Variants in MED13 observed in about 807,000 individuals in gnomAD.
MED13 encodes mediator complex subunit 13, also known as mediator of RNA polymerase II transcription subunit 13.
A neutral mutation model predicts 225.2 loss-of-function variants in MED13; 23 were observed. The observed-to-expected ratio is 0.10, with a 90% CI of 0.07 to 0.14. The LOEUF (loss-of-function observed/expected upper bound fraction) is 0.14. Among genes scored for constraint, MED13 ranks in the 10% least tolerant of loss-of-function variants. MED13 has a pLI of 1.00. For missense variants in MED13, 2,197 were observed against 2,594.5 expected, an observed-to-expected ratio of 0.85 and a Z score of 3.33; for synonymous variants, 942 against 889.2, an observed-to-expected ratio of 1.06 and a Z score of -1.06.
intron 26 of MED13, among the ~76,000 whole-genome samples, chr17:61,954,050 C>CT (rs1229224459): frequency 6.6e-6 from 1 of 152,168 alleles, no homozygotes; most frequent in Non-Finnish European, 1.5e-5. Context: ...AATGTGGTCT[C>CT]TCTCTCTCTC....
chr17:61,959,160 T>C (rs560911717), intron 23 of MED13, among the ~76,000 whole-genome samples: 4 of 152,224 alleles, frequency 2.6e-5, no homozygotes, highest in Non-Finnish European at 5.9e-5. Flanking sequence ...TATGCCACCA[T>C]GCCTGGCTAA....
At chr17:61,960,665 TAATAG>T (rs1214975581) in intron 23 of MED13, among the ~76,000 whole-genome samples, 197 bp downstream of exon 23, 1 of 152,116 alleles carries the variant, frequency 6.6e-6, no homozygotes. Flanking sequence ...TTTGTTCATA[TAATAG>T]ATTAATCAAA....
chr17:62,022,766 T>C (rs1322638482), intron 8 of MED13, among the ~76,000 whole-genome samples: 3 of 152,074 alleles, frequency 2.0e-5, no homozygotes, highest in East Asian at 1.9e-4. Context: ...TCTCAGCACT[T>C]TGGGAGGCTG....
At chr17:61,984,454 T>C (rs1475571205) in intron 14 of MED13, 87 bp from the exon 15 acceptor site, 1 of 1,087,058 alleles carries the variant, frequency 9.2e-7, no homozygotes, top group African/African-American at 1.6e-5. Flanking sequence ...CCTTTTTTCC[T>C]TTCTTTAAAC....
intron 3 of MED13, among the ~76,000 whole-genome samples, chr17:62,049,956 A>C (rs2080941236): frequency 6.6e-6 from 1 of 151,830 alleles, no homozygotes; most frequent in South Asian, 2.1e-4. Context: ...ATGAAATGAA[A>C]TGTGTTTCAA....
At chr17:62,007,932 T>C (rs187157291) in intron 9 of MED13, among the ~76,000 whole-genome samples, 3 of 143,958 alleles carry the variant, frequency 2.1e-5, no homozygotes, top group Non-Finnish European at 4.5e-5. Flanking sequence ...GACAGGAAAA[T>C]GGCCTGAACC....
chr17:61,945,654 T>C lies in MED13; in HGVS notation c.*814A>G, dbSNP rs577429242. On this transcript the variant is annotated 3_prime_UTR_variant, in exon 30 of 30. Coordinates refer to ENST00000397786, the MANE Select transcript of MED13 (RefSeq NM_005121.3). ...TTGCCATCATGTTATTCTGTAAAGA[T>C]GTGATATATAAAATGCTGTAAGACC... 5.8e-4 allele frequency: 88 copies of C among 152,746 alleles called. No individual in the cohort carries two copies. The highest frequency in any genetic ancestry group is 1.0e-3 in the Non-Finnish European group (70 of 68,036). The allele number at this position is 152,746 out of a possible 1,614,324, so 9.5% of individuals were successfully genotyped here. A position where few individuals can be genotyped will look rare whatever the true frequency, so the allele number is the denominator to read the frequency against.
At chr17:62,051,260 CCCTTCCTTTCTCTTCCTG>C (rs1433800269) in intron 3 of MED13, among the ~76,000 whole-genome samples, 1 of 152,162 alleles carries the variant, frequency 6.6e-6, no homozygotes, top group Non-Finnish European at 1.5e-5. Context: ...CTTACTTCCT[CCCTTCCTTTCTCTTCCTG>C]CCTGGAATCC....
At chr17:61,981,639 G>T (rs993571263) in intron 16 of MED13, among the ~76,000 whole-genome samples, 3 of 152,126 alleles carry the variant, frequency 2.0e-5, no homozygotes, top group Admixed American at 6.5e-5. Flanking sequence ...TGTTATGTAG[G>T]AGTTTTCCCA....
intron 23 of MED13, among the ~76,000 whole-genome samples, chr17:61,958,014 G>GC (rs1555630940): frequency 6.7e-6 from 1 of 150,292 alleles, no homozygotes; most frequent in Non-Finnish European, 1.5e-5. Context: ...ACAGGCGCCC[G>GC]CCACTACGCC....
intron 2 of MED13, among the ~76,000 whole-genome samples, chr17:62,059,010 G>A (rs1405639001): frequency 1.3e-5 from 2 of 152,146 alleles, no homozygotes; most frequent in Admixed American, 1.3e-4. Flanking sequence ...AATGCACTAT[G>A]GAATCTGAAC....
chr17:61,963,322 G>A (rs1354592147), intron 20 of MED13, among the ~76,000 whole-genome samples: 1 of 148,922 alleles, frequency 6.7e-6, no homozygotes, highest in East Asian at 2.0e-4. Context: ...CTGAGACAAA[G>A]ATAGGTCTCT....
chr17:61,987,382 C>A, intron 11 of MED13, among the ~76,000 whole-genome samples: 1 of 151,786 alleles, frequency 6.6e-6, no homozygotes, highest in Non-Finnish European at 1.5e-5. Flanking sequence ...TGCAGTGAGC[C>A]GAGATAGCAC....
chr17:61,976,286 G>A (rs939825826), intron 16 of MED13, among the ~76,000 whole-genome samples: 1 of 152,052 alleles, frequency 6.6e-6, no homozygotes, highest in Non-Finnish European at 1.5e-5. Flanking sequence ...TATGGAAAGC[G>A]AAAAAAGCCA....
At position 61,964,554 on chromosome 17, in the gene MED13, G is replaced by A. The variant is rs148888076; in HGVS notation, c.4844+452C>T. Among the ~76,000 whole-genome samples the A allele has an allele frequency of 1.1e-4, 16 of 152,274 alleles. No homozygotes were observed. The East Asian group carries it at 3.1e-3, about 29-fold the overall frequency. On this transcript the variant is annotated intron_variant, in intron 20 of 29. Transcript: ENST00000397786. ...TACTCCAGCCTGGGTGACAGAGTGAGACCTTGTCTTAAAAAAAGATACAAA... is the reference window on the plus strand; with the variant it reads ...TACTCCAGCCTGGGTGACAGAGTGAAACCTTGTCTTAAAAAAAGATACAAA...
chr17:61,996,127 C>A (rs773391863), intron 9 of MED13, among the ~76,000 whole-genome samples: 7 of 152,160 alleles, frequency 4.6e-5, no homozygotes, highest in Non-Finnish European at 8.8e-5. Context: ...AACTGACAGA[C>A]CACAGAAAGC....
chr17:62,008,600 T>C (rs1020940086), intron 9 of MED13, among the ~76,000 whole-genome samples: 1 of 151,936 alleles, frequency 6.6e-6, no homozygotes, highest in Admixed American at 6.6e-5. Context: ...GTAGCCAAAT[T>C]ATCAATCCAA....
At chr17:62,062,700 T>C (rs2081050785) in intron 2 of MED13, among the ~76,000 whole-genome samples, 1 of 152,150 alleles carries the variant, frequency 6.6e-6, no homozygotes, top group South Asian at 2.1e-4. Flanking sequence ...CAGCAGTGGC[T>C]GAAGTGACTC....
intron 10 of MED13, among the ~76,000 whole-genome samples, chr17:61,993,561 C>A (rs2080320987): frequency 1.3e-5 from 2 of 151,878 alleles, no homozygotes; most frequent in Non-Finnish European, 1.5e-5. Flanking sequence ...CTCATACTTC[C>A]AAAAAGACAA....
Sources: gnomAD v4.1 joint callset for allele counts (sites outside exome capture counted in the v4.1 genomes callset) on GRCh38, gnomAD v4.1.1 for gene constraint, MANE v1.5 for transcripts, NCBI Gene and HGNC (gene_info 2026-07-23, HGNC 2026-07-21) for gene names.